Variants in ZNF225 observed in about 807,000 individuals in gnomAD.
The protein encoded by ZNF225 is zinc finger protein 225.
In ZNF225, 6 loss-of-function variants were observed where a neutral mutation model predicts 12.0. That is an observed-to-expected ratio of 0.50 (90% CI 0.27 to 0.98). The LOEUF (loss-of-function observed/expected upper bound fraction) is 0.98, where lower values mean the gene tolerates loss of function less well. Among genes scored for constraint, ZNF225 ranks in the 50% least tolerant of loss-of-function variants. The pLI is 0.11. For missense variants in ZNF225, 763 were observed against 848.2 expected, an observed-to-expected ratio of 0.90 and a Z score of 1.25; for synonymous variants, 271 against 283.2, an observed-to-expected ratio of 0.96 and a Z score of 0.43.
intron 2 of ZNF225, among the ~76,000 whole-genome samples, chr19:44,116,152 G>A (rs927425240): frequency 3.3e-5 from 5 of 152,156 alleles, no homozygotes; most frequent in Non-Finnish European, 5.9e-5. Context: ...GTGAGCCACC[G>A]TGCCCGGCCG....
At position 44,132,474 on chromosome 19, in the gene ZNF225, G is replaced by C. The variant is rs561369321; in HGVS notation, c.1860G>C (p.Gly620=). ...ATTCCCATCAGAGGGTTCACACTGGGGAAAAGCCATACAAATGTGAGAAGT... is the reference window on the plus strand; with the variant it reads ...ATTCCCATCAGAGGGTTCACACTGGCGAAAAGCCATACAAATGTGAGAAGT... ...QLHSHQRVHT[G]EKPYKCEKCG... is the part of the protein sequence containing the mutation. The change falls in exon 5 of 5, where the codon GGG becomes GGC. Residue 620 remains glycine, a synonymous_variant. Transcript: ENST00000262894. 1.2e-5 allele frequency: 20 copies of C among 1,614,010 alleles called. No homozygotes were observed. The highest frequency in any genetic ancestry group is 1.7e-5 in the Non-Finnish European group (20 of 1,179,980).
intron 4 of ZNF225, among the ~76,000 whole-genome samples, chr19:44,125,626 T>A (rs1968133060): frequency 6.6e-6 from 1 of 152,260 alleles, no homozygotes; most frequent in South Asian, 2.1e-4. Context: ...TCCCCAAATA[T>A]GTTTTCCAAG....
At position 44,132,207 on chromosome 19, in the gene ZNF225, C is replaced by T; in HGVS notation, c.1593C>T (p.Arg531=). ...FTQNSQLYSH[R]RVHTGVKPYK... ...AGAATTCACAACTTTATTCTCATCG[C>T]AGAGTCCACACTGGAGTAAAGCCAT... The change falls in exon 5 of 5, where the codon CGC becomes CGT. Residue 531 remains arginine (R), a synonymous_variant. Transcript: ENST00000262894. 6.2e-7 allele frequency: 1 copy of T among 1,608,918 alleles called. No homozygotes were observed. Among genetic ancestry groups the T allele is most frequent in the Non-Finnish European group, 8.5e-7 (1 of 1,178,516 alleles).
chr19:44,117,890 G>T (rs1253810888), intron 2 of ZNF225, among the ~76,000 whole-genome samples: 1 of 152,048 alleles, frequency 6.6e-6, no homozygotes, highest in African/African-American at 2.4e-5. Flanking sequence ...ATGGTGGCAG[G>T]CACCTGTAAT....
At position 44,130,846 on chromosome 19, in the gene ZNF225, A is replaced by T. The variant is rs1968233483; in HGVS notation, c.236-4A>T. The T allele has an allele frequency of 1.2e-6, 2 of 1,604,078 alleles. No homozygotes were observed. The highest frequency in any genetic ancestry group is 4.5e-5 in the East Asian group (2 of 44,836). On this transcript the variant is annotated splice_region_variant and splice_polypyrimidine_tract_variant and intron_variant, in intron 4 of 4. Coordinates refer to ENST00000262894, the MANE Select transcript of ZNF225 (RefSeq NM_013362.4). ...CCACATCTCTTAATTCTGTGTCATT[A>T]TAGGAGGCAAGATCCAAATGGAGAT...
chr19:44,115,914 T>G (rs1311190848), intron 2 of ZNF225, 72 bp downstream of exon 2: 1 of 1,522,094 alleles, frequency 6.6e-7, no homozygotes, highest in African/African-American at 1.4e-5. Context: ...AAGGCTGGAG[T>G]GCAGTGGCCT....
At chr19:44,116,788 T>A (rs1568537024) in intron 2 of ZNF225, among the ~76,000 whole-genome samples, 1 of 152,218 alleles carries the variant, frequency 6.6e-6, no homozygotes, top group African/African-American at 2.4e-5. Context: ...GGAAAATTGA[T>A]AACCTGCTCT....
chr19:44,118,233 G>A lies in ZNF225; in HGVS notation c.61G>A (p.Glu21Lys). The stretch of plus-strand genomic sequence containing the variant: ...CGTGGCTGTGGTCTTCACTGAGGAA[G>A]AGCTGAGGCTGCTGGACCTTGCCCA... ...KDVAVVFTEE[E>K]LRLLDLAQRK... Residue 21 changes from glutamate to lysine, a missense_variant, in exon 3 of 5, where the codon GAG becomes AAG. Transcript: ENST00000262894. The A allele has an allele frequency of 6.2e-7, 1 of 1,613,382 alleles. No individual in the cohort carries two copies. The highest frequency in any genetic ancestry group is 2.2e-5 in the East Asian group (1 of 44,842).
In ZNF225 at chr19:44,118,474, G is replaced by A. The variant is rs373963033; in HGVS notation, c.143-8G>A. Reference sequence around the variant, plus strand: ...TGGCACTAAGCACATGACTTTTCACGTTCACAGGGCATCAATCACTCCACA... The same window carrying A: ...TGGCACTAAGCACATGACTTTTCACATTCACAGGGCATCAATCACTCCACA... On this transcript the variant is annotated splice_region_variant and splice_polypyrimidine_tract_variant and intron_variant, in intron 3 of 4. Coordinates refer to ENST00000262894, the MANE Select transcript of ZNF225 (RefSeq NM_013362.4). 315 of 1,613,064 alleles carry A rather than the reference G, an allele frequency of 2.0e-4. No homozygotes were observed. The highest frequency in any genetic ancestry group is 3.3e-4 in the Middle Eastern group (2 of 6,072).
chr19:44,115,538 T>A, intron 1 of ZNF225: 1 of 320,608 alleles, frequency 3.1e-6, no homozygotes. Context: ...CAGTACTTCA[T>A]TCCTTTTAAT....
Position 44,132,222 on chromosome 19 carries a change from A to G in ZNF225, c.1608A>G (p.Gly536=), listed in dbSNP as rs373993205. Residue 536 remains glycine, a synonymous_variant, in exon 5 of 5, where the codon GGA becomes GGG. Coordinates refer to ENST00000262894, the MANE Select transcript of ZNF225 (RefSeq NM_013362.4). ...QLYSHRRVHT[G]VKPYKCEECG... ...ATTCTCATCGCAGAGTCCACACTGGAGTAAAGCCATACAAATGTGAAGAGT... is the reference window on the plus strand; with the variant it reads ...ATTCTCATCGCAGAGTCCACACTGGGGTAAAGCCATACAAATGTGAAGAGT... The G allele has an allele frequency of 7.5e-5, 121 of 1,613,928 alleles. No homozygotes were observed. Among genetic ancestry groups the G allele is most frequent in the Non-Finnish European group, 9.9e-5 (117 of 1,180,012 alleles).
intron 4 of ZNF225, among the ~76,000 whole-genome samples, chr19:44,122,138 T>C (rs531160442): frequency 6.6e-6 from 1 of 152,354 alleles, no homozygotes; most frequent in Non-Finnish European, 1.5e-5. Context: ...GGTCTTAGAT[T>C]TGAGTCCTTA....
At chr19:44,123,382 G>T (rs750867357) in intron 4 of ZNF225, among the ~76,000 whole-genome samples, 1 of 151,864 alleles carries the variant, frequency 6.6e-6, no homozygotes, top group Non-Finnish European at 1.5e-5. Context: ...TATGTTGTTG[G>T]ATTAAGTTAC....
chr19:44,115,917 A>C (rs936055908), intron 2 of ZNF225, 75 bp downstream of exon 2: 2 of 1,521,078 alleles, frequency 1.3e-6, no homozygotes, highest in Admixed American at 2.0e-5. Flanking sequence ...GCTGGAGTGC[A>C]GTGGCCTGAT....
intron 4 of ZNF225, 119 bp downstream of exon 4, chr19:44,118,693 A>G: frequency 2.9e-6 from 3 of 1,044,774 alleles, no homozygotes; most frequent in South Asian, 1.6e-5. Flanking sequence ...GAATTATTAC[A>G]GCTGACTTTC....
At position 44,131,402 on chromosome 19, in the gene ZNF225, A is replaced by G. The variant is rs202126336; in HGVS notation, c.788A>G (p.Glu263Gly). The change falls in exon 5 of 5, where the codon GAG becomes GGG. Residue 263 changes from glutamate (E) to glycine (G), a missense_variant. Coordinates refer to ENST00000262894, the MANE Select transcript of ZNF225 (RefSeq NM_013362.4). ...LHTGVKPHIC[E>G]KCGKAFIHDS... ...ACAGGAGTGAAACCTCATATTTGTG[A>G]GAAATGTGGGAAGGCCTTCATTCAT... is the stretch of plus-strand genomic sequence containing the variant. 44 of 1,614,212 alleles carry G rather than the reference A, an allele frequency of 2.7e-5. No individual in the cohort carries two copies. Among genetic ancestry groups the G allele is most frequent in the Non-Finnish European group, 2.5e-6 (3 of 1,180,040 alleles).
intron 4 of ZNF225, chr19:44,128,771 T>C (rs1336632838): frequency 2.9e-6 from 1 of 344,162 alleles, no homozygotes; most frequent in Non-Finnish European, 5.2e-6. Context: ...TGATAATTTC[T>C]ATTCTGGTTC....
At chr19:44,125,147 C>T (rs574615655) in intron 4 of ZNF225, among the ~76,000 whole-genome samples, 1 of 152,220 alleles carries the variant, frequency 6.6e-6, no homozygotes, top group East Asian at 1.9e-4. Context: ...GTGATTTATG[C>T]TTTAAAGAGG....
At chr19:44,118,644 G>C (rs770195724) in intron 4 of ZNF225, 70 bp downstream of exon 4, 27 of 1,474,838 alleles carry the variant, frequency 1.8e-5, no homozygotes, top group Non-Finnish European at 2.5e-5. Context: ...CCATTGCCCA[G>C]CTCTGTTGTC....
Sources: allele counts gnomAD v4.1 joint callset (sites outside exome capture counted in the v4.1 genomes callset), GRCh38; gene constraint gnomAD v4.1.1; transcripts MANE v1.5; gene names NCBI Gene and HGNC (gene_info 2026-07-23, HGNC 2026-07-21).